The following RFX2 variants were observed in gnomAD, a reference collection of about 807,000 sequenced individuals.
The protein encoded by RFX2 is regulatory factor X2.
RFX2 carries 20 observed loss-of-function variants against 87.8 expected under a neutral mutation model. The observed-to-expected ratio is 0.23, with a 90% confidence interval of 0.16 to 0.33. The LOEUF is 0.33. Ranked by LOEUF, RFX2 falls within the 10% of genes least tolerant of loss-of-function variation. The probability of loss-of-function intolerance (pLI) is 1.00; values close to 1 mark genes in which losing one functional copy is unlikely to be tolerated. For synonymous variants in RFX2, 397 were observed against 431.3 expected (o/e 0.92, Z 0.98); for missense variants, 767 against 1,012.3 (o/e 0.76, Z 3.29).
chr19:6,106,395 A>G (rs1174301014), intron 1 of RFX2, among the ~76,000 whole-genome samples: 2 of 152,224 alleles, frequency 1.3e-5, no homozygotes, highest in African/African-American at 4.8e-5. Context: ...TTTAAAAAAT[A>G]CATAAGCCCA....
Position 6,023,300 on chromosome 19 carries a change from G to A in RFX2, c.597+2863C>T, listed in dbSNP as rs2086844287. On this transcript the variant is annotated intron_variant, in intron 6 of 17. Transcript: ENST00000303657. This position sits in a 1 kb window ranked among gnomAD's most constrained non-coding sequence, Gnocchi z 4.9. Reference sequence around the variant, plus strand: ...CTGCCACAGGGTCAGGCTGGCAGGGGAGGTGGCACTGTGGCTGTGCCCCCG... The same window carrying A: ...CTGCCACAGGGTCAGGCTGGCAGGGAAGGTGGCACTGTGGCTGTGCCCCCG... 6.6e-6 allele frequency: 1 copy of A among 152,286 alleles called. No individual in the cohort carries two copies. The allele number at this position is 152,286 out of a possible 1,614,324, so 9.4% of individuals were successfully genotyped here.
chr19:6,066,939 C>A (rs1023605247), intron 1 of RFX2, among the ~76,000 whole-genome samples: 2 of 152,142 alleles, frequency 1.3e-5, no homozygotes, highest in African/African-American at 4.8e-5. Context: ...CTAAAAAAAA[C>A]CCTCTCAAAT....
chr19:6,081,263 C>T (rs2087780349), intron 1 of RFX2, among the ~76,000 whole-genome samples: 1 of 152,160 alleles, frequency 6.6e-6, no homozygotes, highest in South Asian at 2.1e-4. Context: ...AATCCTAGCA[C>T]TTTGGGAGGC....
At chr19:5,995,704 C>A (rs2086397707) in intron 16 of RFX2, 61 bp from the exon 17 acceptor site, 4 of 1,462,310 alleles carry the variant, frequency 2.7e-6, no homozygotes, top group Non-Finnish European at 3.7e-6. Context: ...TGTTTGGGGG[C>A]TCGGGGGATG....
At position 6,013,664 on chromosome 19, in the gene RFX2, G is replaced by A. The variant is rs115371334; in HGVS notation, c.780-559C>T. Among the ~76,000 whole-genome samples, 3,437 of 152,090 alleles carry A rather than the reference G, an allele frequency of 0.023. 136 individuals are homozygous for A. Among genetic ancestry groups the A allele is most frequent in the African/African-American group, 0.079 (3,270 of 41,484 alleles). The stretch of plus-strand genomic sequence containing the variant: ...CCTCTGAGTAGCTGGGACAGCTGGC[G>A]TGTGCCAACACACTCGGATGGTAGA... On this transcript the variant is annotated intron_variant, in intron 7 of 17. Transcript: ENST00000303657. The surrounding 1 kb of genome is among the most constrained non-coding windows in gnomAD (Gnocchi z 4.1).
rs745924126 is a variant in RFX2 at position 6,021,141 on chromosome 19, G to T, written c.598-4870C>A. 6.6e-6 allele frequency among the ~76,000 whole-genome samples: 1 copy of T among 152,192 alleles called. No homozygotes were observed. Among genetic ancestry groups the T allele is most frequent in the African/African-American group, 2.4e-5 (1 of 41,444 alleles). On this transcript the variant is annotated intron_variant, in intron 6 of 17. Coordinates refer to ENST00000303657, the MANE Select transcript of RFX2 (RefSeq NM_000635.4). The surrounding 1 kb of genome is among the most constrained non-coding windows in gnomAD (Gnocchi z 5.7). The stretch of plus-strand genomic sequence containing the variant: ...ATTTGCCTGACACTGGCTCCTGGTG[G>T]TGAGTTAGAGTCTCACCGGGCCATA...
Position 5,997,005 on chromosome 19 carries a change from C to A in RFX2, c.2013+55G>T. 1 of 1,555,816 alleles carries A rather than the reference C, an allele frequency of 6.4e-7. No individual in the cohort carries two copies. Among genetic ancestry groups the A allele is most frequent in the South Asian group, 1.2e-5 (1 of 84,512 alleles). ...CTCTGGGCTGCTCAGAGCACACCGCCCTCTCCCCACAGGCCCGGCCAAGCC... is the reference window on the plus strand; with the variant it reads ...CTCTGGGCTGCTCAGAGCACACCGCACTCTCCCCACAGGCCCGGCCAAGCC... On this transcript the variant is annotated intron_variant, in intron 16 of 17. Coordinates refer to ENST00000303657, the MANE Select transcript of RFX2 (RefSeq NM_000635.4). This position sits in a 1 kb window ranked among gnomAD's most constrained non-coding sequence, Gnocchi z 4.2.
At chr19:6,052,097 C>G (rs1284603248) in intron 1 of RFX2, among the ~76,000 whole-genome samples, 3 of 152,060 alleles carry the variant, frequency 2.0e-5, no homozygotes, top group Admixed American at 6.5e-5. Context: ...AGGATGGTCT[C>G]CATCTCCTGA....
rs866516890 is a variant in RFX2 at position 5,999,984 on chromosome 19, A to T, written c.1859+1831T>A. 7.1e-4 allele frequency among the ~76,000 whole-genome samples: 101 copies of T among 142,058 alleles called. No homozygotes were observed. In the Middle Eastern group the frequency reaches 0.015, roughly 21 times the overall value. The allele number at this position is 142,058 out of a possible 152,430, so 93.2% of individuals were successfully genotyped here. On this transcript the variant is annotated intron_variant, in intron 15 of 17. Transcript: ENST00000303657. The surrounding 1 kb of genome is among the most constrained non-coding windows in gnomAD (Gnocchi z 4.1). ...CTGAGGGGTCAGCAAACTTGTTCTT[A>T]TTTTTTTTTTTTTTCTTGAGATGGA...
At chr19:6,098,293 A>C (rs906117633) in intron 1 of RFX2, among the ~76,000 whole-genome samples, 3 of 152,178 alleles carry the variant, frequency 2.0e-5, no homozygotes, top group Non-Finnish European at 4.4e-5. Context: ...CCTGATGAGA[A>C]CTGTTACTGG....
intron 1 of RFX2, among the ~76,000 whole-genome samples, chr19:6,093,576 T>C (rs2087976967): frequency 6.6e-6 from 1 of 151,900 alleles, no homozygotes. Context: ...AAGTAAGTAC[T>C]TAGGACAGGA....
At chr19:6,069,293 C>T (rs1245481997) in intron 1 of RFX2, among the ~76,000 whole-genome samples, 1 of 152,006 alleles carries the variant, frequency 6.6e-6, no homozygotes, top group Non-Finnish European at 1.5e-5. Flanking sequence ...ATAGCTGGAA[C>T]CATCAGTGTG....
chr19:6,025,576 T>C (rs1452207242), intron 6 of RFX2, among the ~76,000 whole-genome samples: 2 of 152,136 alleles, frequency 1.3e-5, no homozygotes, highest in African/African-American at 4.8e-5. Context: ...TTGTTGAAAG[T>C]ATTTTACGTA....
Position 6,056,253 on chromosome 19 carries a change from G to T in RFX2, c.-8-8749C>A, listed in dbSNP as rs923541476. 6.6e-6 allele frequency among the ~76,000 whole-genome samples: 1 copy of T among 152,222 alleles called. No homozygotes were observed. The highest frequency in any genetic ancestry group is 2.4e-5 in the African/African-American group (1 of 41,448). ...ACGGAGAGTGGGTACAGGTATCCAG[G>T]TGTTATAAGAATGGCAGGACCCTGA... is the stretch of plus-strand genomic sequence containing the variant. On this transcript the variant is annotated intron_variant, in intron 1 of 17. Transcript: ENST00000303657. This position sits in a 1 kb window ranked among gnomAD's most constrained non-coding sequence, Gnocchi z 4.6.
chr19:6,003,598 G>A (rs1453428688), intron 13 of RFX2, among the ~76,000 whole-genome samples: 2 of 151,814 alleles, frequency 1.3e-5, no homozygotes, highest in East Asian at 1.9e-4. Context: ...CCAACATGGC[G>A]AAACCCTGTC....
In RFX2 at chr19:6,098,965, C is replaced by CAAAAAAAAA. The variant is rs34110529; in HGVS notation, c.-9+11419_-9+11427dup. Among the ~76,000 whole-genome samples the CAAAAAAAAA allele has an allele frequency of 9.3e-4, 49 of 52,780 alleles. 4 individuals carry two copies. Among genetic ancestry groups the CAAAAAAAAA allele is most frequent in the Middle Eastern group, 0.011 (1 of 94 alleles). The allele number at this position is 52,780 out of a possible 152,430, so 34.6% of individuals were successfully genotyped here. On this transcript the variant is annotated intron_variant, in intron 1 of 17. Transcript: ENST00000303657. The stretch of plus-strand genomic sequence containing the variant: ...AATCTTTCACAAACTGCTTGAACCA[C>CAAAAAAAAA]AAAAAAAAAAAAAAAAAAAAAAAAA...
rs948122437 is a variant in RFX2 at position 5,998,307 on chromosome 19, CA to C, written c.1860-1095del. 2.7e-5 allele frequency among the ~76,000 whole-genome samples: 4 copies of C among 150,308 alleles called. No individual in the cohort carries two copies. The highest frequency in any genetic ancestry group is 7.3e-5 in the African/African-American group (3 of 40,882). On this transcript the variant is annotated intron_variant, in intron 15 of 17. Coordinates refer to ENST00000303657, the MANE Select transcript of RFX2 (RefSeq NM_000635.4). This position sits in a 1 kb window ranked among gnomAD's most constrained non-coding sequence, Gnocchi z 4.2. Reference sequence around the variant, plus strand: ...TGGGTGACAGAGCAACACTCCATCTCAAAAAAAAAGAATGAAGTGGAACAAT... The same window carrying C: ...TGGGTGACAGAGCAACACTCCATCTCAAAAAAAAGAATGAAGTGGAACAAT...
rs1383645512 is a variant in RFX2 at position 6,017,225 on chromosome 19, C to T, written c.598-954G>A. On this transcript the variant is annotated intron_variant, in intron 6 of 17. Coordinates refer to ENST00000303657, the MANE Select transcript of RFX2 (RefSeq NM_000635.4). The surrounding 1 kb of genome is among the most constrained non-coding windows in gnomAD (Gnocchi z 4.1). ...CAGCCTGGGCGACAGGGCAAGACTT[C>T]GTCTCTTTCAAAAAACGAAACAAAA... Among the ~76,000 whole-genome samples, 2 of 152,158 alleles carry T rather than the reference C, an allele frequency of 1.3e-5. No homozygotes were observed. The highest frequency in any genetic ancestry group is 6.5e-5 in the Admixed American group (1 of 15,282).
rs990549421 is a variant in RFX2, at chr19:6,027,691, T to G, written c.523-1454A>C. 6.6e-6 allele frequency among the ~76,000 whole-genome samples: 1 copy of G among 152,128 alleles called. No homozygotes were observed. Among genetic ancestry groups the G allele is most frequent in the African/African-American group, 2.4e-5 (1 of 41,376 alleles). On this transcript the variant is annotated intron_variant, in intron 5 of 17. Coordinates refer to ENST00000303657, the MANE Select transcript of RFX2 (RefSeq NM_000635.4). This position sits in a 1 kb window ranked among gnomAD's most constrained non-coding sequence, Gnocchi z 5.0. ...CTCCAACATAGTGGGTCTCAATCAT[T>G]TGGTCTATTAAAAAATACACTATTA...
Sources: gnomAD v4.1 joint callset for allele counts (sites outside exome capture counted in the v4.1 genomes callset) on GRCh38, gnomAD v4.1.1 for gene constraint, Gnocchi (gnomAD v3.1) non-coding constraint, MANE v1.5 for transcripts, NCBI Gene and HGNC (gene_info 2026-07-23, HGNC 2026-07-21) for gene names.